SH3BP5: variants seen among roughly 807,000 people sequenced by gnomAD.
SH3BP5 encodes the protein SH3 domain-binding protein 5.
In SH3BP5, 22 loss-of-function variants were observed where a neutral mutation model predicts 43.3. The observed-to-expected ratio is 0.51, with a 90% CI of 0.36 to 0.73. The LOEUF is 0.73. SH3BP5 is among the 30% of genes least tolerant of loss of function. The pLI, the probability that SH3BP5 is intolerant of heterozygous loss-of-function variation, is 0.00. For missense variants in SH3BP5, 529 were observed against 586.9 expected, an observed-to-expected ratio of 0.90 and a Z score of 1.02; for synonymous variants, 255 against 225.8, an observed-to-expected ratio of 1.13 and a Z score of -1.16.
At chr3:15,257,604 C>T (rs867513397) in intron 7 of SH3BP5, 2 of 154,350 alleles carry the variant, frequency 1.3e-5, no homozygotes, top group African/African-American at 2.4e-5. Flanking sequence ...TTGTTATCTC[C>T]AGGTAACTTC....
intron 8 of SH3BP5, 34 bp from the exon 9 acceptor site, chr3:15,256,337 T>A: frequency 6.3e-7 from 1 of 1,588,554 alleles, no homozygotes. Flanking sequence ...AAAGTGAGTA[T>A]TGACAATTCT....
chr3:15,277,458 AGAG>A (rs1697004708), intron 3 of SH3BP5, among the ~76,000 whole-genome samples: 1 of 152,186 alleles, frequency 6.6e-6, no homozygotes, highest in Admixed American at 6.5e-5. Context: ...AACGAGGAGC[AGAG>A]GAGAAGTGGG....
At chr3:15,293,669 C>T (rs1310625256) in intron 3 of SH3BP5, among the ~76,000 whole-genome samples, 1 of 152,202 alleles carries the variant, frequency 6.6e-6, no homozygotes, top group Non-Finnish European at 1.5e-5. Flanking sequence ...ATGTGCCAGG[C>T]ACCAGCCAGA....
chr3:15,299,473 C>G, intron 3 of SH3BP5, among the ~76,000 whole-genome samples: 1 of 142,336 alleles, frequency 7.0e-6, no homozygotes. Flanking sequence ...TCCACCAGCT[C>G]AACAATTAGA....
intron 2 of SH3BP5, among the ~76,000 whole-genome samples, chr3:15,315,529 G>A (rs1413750887): frequency 6.9e-6 from 1 of 145,556 alleles, no homozygotes; most frequent in Non-Finnish European, 1.5e-5. Context: ...GACAAGGTAA[G>A]AAAATATAAG....
At chr3:15,272,018 C>T (rs73144069) in intron 3 of SH3BP5, among the ~76,000 whole-genome samples, 1,992 of 152,234 alleles carry the variant, frequency 0.013, 46 homozygotes, top group African/African-American at 0.043. Flanking sequence ...CCTGGTGGGA[C>T]GTCCCTAAGG....
intron 4 of SH3BP5, among the ~76,000 whole-genome samples, chr3:15,268,304 A>G (rs1696699730): frequency 6.6e-6 from 1 of 152,248 alleles, no homozygotes; most frequent in African/African-American, 2.4e-5. Flanking sequence ...CCACTGTGGC[A>G]GGTGACATTT....
chr3:15,311,217 C>T (rs752494577), intron 2 of SH3BP5, among the ~76,000 whole-genome samples: 5 of 152,298 alleles, frequency 3.3e-5, no homozygotes, highest in Admixed American at 6.5e-5. Flanking sequence ...ATCTGAGACA[C>T]ACAACAACCC....
intron 3 of SH3BP5, among the ~76,000 whole-genome samples, chr3:15,303,067 G>C (rs1476080430): frequency 3.3e-5 from 5 of 152,134 alleles, no homozygotes. Context: ...CAAGTGATCG[G>C]CCTCCCAGAG....
At chr3:15,312,318 C>T (rs1283266613) in intron 2 of SH3BP5, among the ~76,000 whole-genome samples, 1 of 152,160 alleles carries the variant, frequency 6.6e-6, no homozygotes, top group Non-Finnish European at 1.5e-5. Context: ...GAAAAATAGT[C>T]CTTTTCCATA....
In SH3BP5 at chr3:15,269,724, C is replaced by T. The variant is rs763770253; in HGVS notation, c.484G>A (p.Ala162Thr). The change falls in exon 4 of 9, where the codon GCC becomes ACC. Residue 162 changes from alanine (A) to threonine (T), a missense_variant. By Grantham distance (58) the Ala-to-Thr change is moderately conservative. Transcript: ENST00000383791. ...DSAWQEMLNH[A>T]TQRVMEAEQT... Reference sequence around the variant, plus strand: ...GCCATGACTCATACCCTCTGAGTGGCGTGATTCAGCATCTCCTGCCAGGCG... The same window carrying T: ...GCCATGACTCATACCCTCTGAGTGGTGTGATTCAGCATCTCCTGCCAGGCG... The T allele has an allele frequency of 1.8e-5, 29 of 1,599,022 alleles. No individual in the cohort carries two copies. Among genetic ancestry groups the T allele is most frequent in the East Asian group, 1.3e-4 (6 of 44,612 alleles).
chr3:15,307,755 G>A (rs962203003), intron 2 of SH3BP5, among the ~76,000 whole-genome samples: 1 of 152,218 alleles, frequency 6.6e-6, no homozygotes, highest in East Asian at 1.9e-4. Flanking sequence ...AGATGCACTC[G>A]CATGCATGAC....
At position 15,309,867 on chromosome 3, in the gene SH3BP5, T is replaced by C. The variant is rs996242053; in HGVS notation, c.202-5636A>G. Among the ~76,000 whole-genome samples, 5 of 151,946 alleles carry C rather than the reference T, an allele frequency of 3.3e-5. No individual in the cohort carries two copies. In the East Asian group the frequency reaches 7.8e-4, roughly 24 times the overall value. The stretch of plus-strand genomic sequence containing the variant: ...CACCAACAAGCCTATTCATCAAAGA[T>C]GCATTGAAACTGAACACAAAGCCAG... On this transcript the variant is annotated intron_variant, in intron 2 of 8. Coordinates refer to ENST00000383791, the MANE Select transcript of SH3BP5 (RefSeq NM_004844.5).
At chr3:15,306,835 AT>A (rs908884705) in intron 2 of SH3BP5, among the ~76,000 whole-genome samples, 29 of 150,728 alleles carry the variant, frequency 1.9e-4, no homozygotes, top group Non-Finnish European at 2.4e-4. Context: ...CGCCAAGCTA[AT>A]TTTTTTTTCG....
At chr3:15,290,735 T>C (rs962167626) in intron 3 of SH3BP5, among the ~76,000 whole-genome samples, 4 of 151,914 alleles carry the variant, frequency 2.6e-5, no homozygotes, top group African/African-American at 9.7e-5. Context: ...AAATGAAACC[T>C]ACAAAGTGAG....
chr3:15,298,677 A>C (rs1396044182), intron 3 of SH3BP5, among the ~76,000 whole-genome samples: 2 of 152,234 alleles, frequency 1.3e-5, no homozygotes, highest in African/African-American at 4.8e-5. Flanking sequence ...CATTATGCTA[A>C]GTGAAATAAG....
Position 15,304,157 on chromosome 3 carries a change from G to A in SH3BP5, c.276C>T (p.Gly92=). 6.2e-7 allele frequency: 1 copy of A among 1,614,146 alleles called. No homozygotes were observed. Among genetic ancestry groups the A allele is most frequent in the Non-Finnish European group, 8.5e-7 (1 of 1,180,022 alleles). Reference sequence around the variant, plus strand: ...AGGGCTTGGAGTCTTCCACAGCTTTGCCAATTTTCTTCACCAGTTCATCCA... The same window carrying A: ...AGGGCTTGGAGTCTTCCACAGCTTTACCAATTTTCTTCACCAGTTCATCCA... ...VKLDELVKKI[G]KAVEDSKPYW... is the part of the protein sequence containing the mutation. Residue 92 remains glycine, a synonymous_variant, in exon 3 of 9, where the codon GGC becomes GGT. Coordinates refer to ENST00000383791, the MANE Select transcript of SH3BP5 (RefSeq NM_004844.5).
intron 2 of SH3BP5, among the ~76,000 whole-genome samples, chr3:15,321,339 C>T (rs1418742079): frequency 1.3e-5 from 2 of 152,082 alleles, no homozygotes; most frequent in Non-Finnish European, 2.9e-5. Context: ...CACTTTTCAT[C>T]CTTCCATGAA....
chr3:15,305,909 A>G (rs1459486914), intron 2 of SH3BP5, among the ~76,000 whole-genome samples: 2 of 152,112 alleles, frequency 1.3e-5, no homozygotes, highest in African/African-American at 4.8e-5. Context: ...AGAAAAAAAA[A>G]ATTAAATAAG....
Sources: gnomAD v4.1 joint callset for allele counts (sites outside exome capture counted in the v4.1 genomes callset) on GRCh38, gnomAD v4.1.1 for gene constraint, MANE v1.5 for transcripts, NCBI Gene and HGNC (gene_info 2026-07-23, HGNC 2026-07-21) for gene names.